Variants in GRM4 observed in about 807,000 individuals in gnomAD.
GRM4 encodes the protein metabotropic glutamate receptor 4.
GRM4 carries 28 observed loss-of-function variants against 81.7 expected under a neutral mutation model. That is an observed-to-expected ratio of 0.34 (90% CI 0.25 to 0.47). GRM4 has a LOEUF of 0.47. Ranked by LOEUF, GRM4 falls within the 20% of genes least tolerant of loss-of-function variation. GRM4 has a pLI of 1.00. For missense variants in GRM4, 948 were observed against 1,290.0 expected (o/e 0.73, Z 4.06); for synonymous variants, 488 against 528.8 (o/e 0.92, Z 1.06).
At position 34,146,035 on chromosome 6, in the gene GRM4, A is replaced by AG; in HGVS notation, c.-400dup. 1.0e-6 allele frequency: 1 copy of AG among 985,162 alleles called. No individual in the cohort carries two copies. The highest frequency in any genetic ancestry group is 1.2e-6 in the Non-Finnish European group (1 of 829,834). 61.0% of individuals were successfully genotyped at this position (985,162 alleles called of 1,614,324 possible). ...TGGCGGGGACCCCTTCTCACCCCAG[A>AG]GGGGGAGGGTCAGGAACATAGCCTC... On this transcript the variant is annotated 5_prime_UTR_variant, in exon 1 of 11. An upstream open reading frame in the 5' UTR gains an earlier in-frame stop. Transcript: ENST00000538487.
chr6:34,035,569 C>T lies in GRM4; in HGVS notation c.2442+99G>A. 1.5e-6 allele frequency: 1 copy of T among 662,078 alleles called. No individual in the cohort carries two copies. The allele number at this position is 662,078 out of a possible 1,614,324, so 41.0% of individuals were successfully genotyped here. A position where few individuals can be genotyped will look rare whatever the true frequency, so the allele number is the denominator to read the frequency against. On this transcript the variant is annotated intron_variant, in intron 9 of 10. Transcript: ENST00000538487. This position sits in a 1 kb window ranked among gnomAD's most constrained non-coding sequence, Gnocchi z 6.6. The stretch of plus-strand genomic sequence containing the variant: ...AGGCAGAATGAGGCATGAAAGAAGG[C>T]ATTTCTGGAGCAGGGGGGAGGCCAG...
In GRM4 at chr6:34,136,663, C is replaced by A. The variant is rs535369668; in HGVS notation, c.-363-2804G>T. 5.9e-5 allele frequency among the ~76,000 whole-genome samples: 9 copies of A among 152,050 alleles called. 1 individual carries two copies. Among genetic ancestry groups the A allele is most frequent in the Middle Eastern group, 3.4e-3 (1 of 294 alleles). ...CTCCAAGAGGAGAAAGGCAAACACC[C>A]GCAGATTAGAATCAAGAGCCTGGAG... On this transcript the variant is annotated intron_variant, in intron 1 of 10. Coordinates refer to ENST00000538487, the MANE Select transcript of GRM4 (RefSeq NM_000841.4). This position sits in a 1 kb window ranked among gnomAD's most constrained non-coding sequence, Gnocchi z 4.1.
At chr6:34,102,589 A>C (rs1191332155) in intron 2 of GRM4, among the ~76,000 whole-genome samples, 1 of 150,884 alleles carries the variant, frequency 6.6e-6, no homozygotes, top group African/African-American at 2.4e-5. Context: ...CCTGAACTCC[A>C]CCTTCACCTC....
At position 34,121,966 on chromosome 6, in the gene GRM4, G is replaced by A. The variant is rs1581718843; in HGVS notation, c.519+11012C>T. On this transcript the variant is annotated intron_variant, in intron 2 of 10. Coordinates refer to ENST00000538487, the MANE Select transcript of GRM4 (RefSeq NM_000841.4). The surrounding 1 kb of genome is among the most constrained non-coding windows in gnomAD (Gnocchi z 4.6). ...GAGGGGCACCCTGAGTCGGAGGGAG[G>A]GGTCTGGGTGGGGCGGGTGCCCACC... 6.6e-6 allele frequency among the ~76,000 whole-genome samples: 1 copy of A among 152,230 alleles called. No individual in the cohort carries two copies. The highest frequency in any genetic ancestry group is 1.5e-5 in the Non-Finnish European group (1 of 68,026).
intron 6 of GRM4, among the ~76,000 whole-genome samples, chr6:34,050,403 G>A (rs140439785): frequency 4.5e-4 from 68 of 152,228 alleles, no homozygotes; most frequent in Non-Finnish European, 8.1e-4. Context: ...GCTGGACGCC[G>A]TCCTCATGGT....
intron 5 of GRM4, 88 bp downstream of exon 5, chr6:34,058,886 G>T (rs1443079218): frequency 2.0e-6 from 2 of 1,001,210 alleles, no homozygotes; most frequent in Non-Finnish European, 3.0e-6. Flanking sequence ...ATGGAAAGAG[G>T]CGGAGCAGAA....
chr6:34,086,255 C>T (rs1767884604), intron 3 of GRM4, among the ~76,000 whole-genome samples: 1 of 152,224 alleles, frequency 6.6e-6, no homozygotes, highest in Non-Finnish European at 1.5e-5. Context: ...GGGCCTCCTG[C>T]TGCCCAAGCA....
intron 3 of GRM4, among the ~76,000 whole-genome samples, chr6:34,065,854 C>T (rs1442706472): frequency 6.6e-6 from 1 of 152,224 alleles, no homozygotes; most frequent in Non-Finnish European, 1.5e-5. Context: ...CACACAGTAG[C>T]AGGAGCAGAG....
In GRM4 at chr6:34,115,982, G is replaced by A. The variant is rs1581713313; in HGVS notation, c.519+16996C>T. ...ATACAAGTGGGTTTTCTGCGGCCTC[G>A]CCACCCCTATCCAACCTGGAAATCC... is the stretch of plus-strand genomic sequence containing the variant. On this transcript the variant is annotated intron_variant, in intron 2 of 10. Transcript: ENST00000538487. This position sits in a 1 kb window ranked among gnomAD's most constrained non-coding sequence, Gnocchi z 4.1. Among the ~76,000 whole-genome samples the A allele has an allele frequency of 6.6e-6, 1 of 152,118 alleles. No homozygotes were observed. The highest frequency in any genetic ancestry group is 1.9e-4 in the East Asian group (1 of 5,202).
intron 6 of GRM4, among the ~76,000 whole-genome samples, chr6:34,046,126 G>A (rs1043454600): frequency 5.3e-5 from 8 of 152,120 alleles, no homozygotes; most frequent in Admixed American, 3.9e-4. Context: ...TCCAGTTCTA[G>A]CACTGGTACA....
intron 2 of GRM4, chr6:34,103,705 C>A: frequency 6.6e-7 from 1 of 1,525,472 alleles, no homozygotes; most frequent in African/African-American, 1.4e-5. Context: ...AGCCATGCCC[C>A]CTTTTCCAAG....
chr6:34,102,026 C>T, intron 2 of GRM4: 1 of 1,535,626 alleles, frequency 6.5e-7, no homozygotes, highest in Non-Finnish European at 8.7e-7. Flanking sequence ...CCTTACCTGT[C>T]CTCCACCCCC....
At chr6:34,075,886 C>T (rs557884962) in intron 3 of GRM4, among the ~76,000 whole-genome samples, 89 of 152,324 alleles carry the variant, frequency 5.8e-4, no homozygotes, top group Admixed American at 3.9e-4. Context: ...CCGACGATAG[C>T]GGAAATGAAC....
chr6:34,067,996 G>A lies in GRM4; in HGVS notation c.737-5968C>T, dbSNP rs575586153. On this transcript the variant is annotated intron_variant, in intron 3 of 10. Coordinates refer to ENST00000538487, the MANE Select transcript of GRM4 (RefSeq NM_000841.4). ...TGGAGCCCGCAGACGTGTACTGAGC[G>A]CCTCCTATGTGCCAGGCATGGCGTG... Among the ~76,000 whole-genome samples the A allele has an allele frequency of 1.1e-3, 164 of 152,346 alleles. 3 individuals carry two copies. In the South Asian group the frequency reaches 0.03, roughly 28 times the overall value.
chr6:34,052,862 G>T (rs192215852), intron 6 of GRM4, among the ~76,000 whole-genome samples: 50 of 152,322 alleles, frequency 3.3e-4, no homozygotes, highest in African/African-American at 1.2e-3. Flanking sequence ...GTCACAAGTT[G>T]CCTCAGTTTC....
intron 2 of GRM4, among the ~76,000 whole-genome samples, chr6:34,116,627 T>C (rs970397891): frequency 2.1e-4 from 32 of 152,196 alleles, no homozygotes; most frequent in Admixed American, 7.2e-4. Flanking sequence ...AAGCTAATCA[T>C]TCATGCAACC....
intron 5 of GRM4, among the ~76,000 whole-genome samples, chr6:34,057,101 A>G (rs116334377): frequency 0.022 from 3,299 of 152,046 alleles, 100 homozygotes; most frequent in African/African-American, 0.072. Context: ...AACCACCCAG[A>G]TCACACAGCA....
intron 3 of GRM4, among the ~76,000 whole-genome samples, chr6:34,067,984 C>T (rs377040769): frequency 2.6e-5 from 4 of 152,356 alleles, no homozygotes; most frequent in African/African-American, 7.2e-5. Flanking sequence ...AGCCCGCAGA[C>T]GTGTACTGAG....
rs1212760011 is a variant in GRM4, at chr6:34,069,978, G to A, written c.737-7950C>T. ...TTACAGAGCCCAGGACACGTGCGGG[G>A]CCTGCCCAGGACGGCGGTAATCCAC... On this transcript the variant is annotated intron_variant, in intron 3 of 10. Transcript: ENST00000538487. This position sits in a 1 kb window ranked among gnomAD's most constrained non-coding sequence, Gnocchi z 6.4. Among the ~76,000 whole-genome samples, 2 of 152,200 alleles carry A rather than the reference G, an allele frequency of 1.3e-5. No homozygotes were observed. Among genetic ancestry groups the A allele is most frequent in the Non-Finnish European group, 2.9e-5 (2 of 68,024 alleles).
Sources: gnomAD v4.1 joint callset for allele counts (sites outside exome capture counted in the v4.1 genomes callset) on GRCh38, gnomAD v4.1.1 for gene constraint, Gnocchi (gnomAD v3.1) non-coding constraint, MANE v1.5 for transcripts, NCBI Gene and HGNC (gene_info 2026-07-23, HGNC 2026-07-21) for gene names.